The following COL18A1 variants were observed in gnomAD, a reference collection of about 807,000 sequenced individuals.
The protein encoded by COL18A1 is collagen alpha-1(XVIII) chain.
In COL18A1, 133 loss-of-function variants were observed where a neutral mutation model predicts 168.0. The ratio of observed to expected loss-of-function variants is 0.79; its 90% CI spans 0.69 to 0.91. The LOEUF is 0.91. Ranked by LOEUF, COL18A1 falls within the 40% of genes least tolerant of loss-of-function variation. The pLI, the probability that COL18A1 is intolerant of heterozygous loss-of-function variation, is 0.00. For synonymous variants in COL18A1, 949 were observed against 809.0 expected, an observed-to-expected ratio of 1.17 and a Z score of -2.94; for missense variants, 2,126 against 1,925.4, an observed-to-expected ratio of 1.10 and a Z score of -1.95.
At chr21:45,453,023 G>A (rs528426216) in intron 2 of COL18A1, among the ~76,000 whole-genome samples, 52 of 151,946 alleles carry the variant, frequency 3.4e-4, no homozygotes, top group Middle Eastern at 3.4e-3. Context: ...GTGTGATTGC[G>A]AGTATTCATG....
chr21:45,447,918 G>A (rs184470360), intron 2 of COL18A1, among the ~76,000 whole-genome samples: 528 of 152,212 alleles, frequency 3.5e-3, no homozygotes, highest in African/African-American at 0.012. Flanking sequence ...CAGCATTCAG[G>A]AGAAGACAGA....
At chr21:45,501,824 G>GC (rs532726806) in intron 32 of COL18A1, among the ~76,000 whole-genome samples, 3 of 54,242 alleles carry the variant, frequency 5.5e-5, no homozygotes, top group Non-Finnish European at 8.4e-5. Context: ...ACCCCCAGGG[G>GC]CTCCACAGCC....
chr21:45,429,904 G>A (rs1351055350), intron 2 of COL18A1, among the ~76,000 whole-genome samples: 1 of 151,226 alleles, frequency 6.6e-6, no homozygotes, highest in East Asian at 1.9e-4. Flanking sequence ...GCGGGGTCAT[G>A]GTTTTGGGGC....
At position 45,437,188 on chromosome 21, in the gene COL18A1, A is replaced by ACT. The variant is rs200158529; in HGVS notation, c.107-31053_107-31052insTC. 2.1e-3 allele frequency among the ~76,000 whole-genome samples: 196 copies of ACT among 94,526 alleles called. 13 individuals carry two copies. The highest frequency in any genetic ancestry group is 2.8e-3 in the African/African-American group (53 of 18,928). 62.0% of individuals were successfully genotyped at this position (94,526 alleles called of 152,430 possible). ...GGCACTCTCCTGCACACACACTCAC[A>ACT]CAGACACACAGGCACTCTCCTGCAC... On this transcript the variant is annotated intron_variant, in intron 2 of 41. Transcript: ENST00000651438.
chr21:45,423,248 G>C lies in COL18A1; in HGVS notation c.106+17775G>C, dbSNP rs1037345987. On this transcript the variant is annotated intron_variant, in intron 2 of 41. Coordinates refer to ENST00000651438, the MANE Select transcript of COL18A1 (RefSeq NM_001379500.1). This position sits in a 1 kb window ranked among gnomAD's most constrained non-coding sequence, Gnocchi z 4.0. ...TTCCATGGTGACATGGTTCTTGAGG[G>C]TTAGCTGGTCCAGTTCCCGCGTGTT... Among the ~76,000 whole-genome samples the C allele has an allele frequency of 6.6e-6, 1 of 152,140 alleles. No homozygotes were observed. Among genetic ancestry groups the C allele is most frequent in the East Asian group, 1.9e-4 (1 of 5,174 alleles).
intron 6 of COL18A1, 98 bp downstream of exon 6, chr21:45,476,578 T>G: frequency 2.2e-6 from 3 of 1,393,586 alleles, no homozygotes; most frequent in Non-Finnish European, 3.0e-6. Flanking sequence ...TGATGTATGG[T>G]GTGTGTAGTG....
At position 45,498,336 on chromosome 21, in the gene COL18A1, C is replaced by T. The variant is rs1199749926; in HGVS notation, c.2683+675C>T. The T allele has an allele frequency of 1.5e-6, 1 of 654,236 alleles. No individual in the cohort carries two copies. Among genetic ancestry groups the T allele is most frequent in the Non-Finnish European group, 2.8e-6 (1 of 352,886 alleles). The allele number at this position is 654,236 out of a possible 1,614,324, so 40.5% of individuals were successfully genotyped here. A position where few individuals can be genotyped will look rare whatever the true frequency, so the allele number is the denominator to read the frequency against. ...CACGGTCCCCTCTCGCCGCCAGGGT[C>T]CCCTCTCACCGCCAGGGTTCCCTCT... On this transcript the variant is annotated intron_variant, in intron 32 of 41. Coordinates refer to ENST00000651438, the MANE Select transcript of COL18A1 (RefSeq NM_001379500.1). The surrounding 1 kb of genome is among the most constrained non-coding windows in gnomAD (Gnocchi z 4.5).
intron 4 of COL18A1, 124 bp from the exon 5 acceptor site, chr21:45,475,352 G>T: frequency 1.1e-6 from 1 of 873,414 alleles, no homozygotes. Flanking sequence ...ACCAGAGAGG[G>T]CTGGACGAGG....
intron 2 of COL18A1, chr21:45,467,391 G>A: frequency 1.0e-6 from 1 of 985,312 alleles, no homozygotes; most frequent in South Asian, 4.7e-5. Context: ...GGAGCAGCGG[G>A]GCTGGTGGGG....
chr21:45,504,114 C>A, intron 33 of COL18A1, 60 bp downstream of exon 33: 1 of 1,573,108 alleles, frequency 6.4e-7, no homozygotes, highest in Non-Finnish European at 8.7e-7. Flanking sequence ...CGCTGGGTGG[C>A]TGCTCCCAAT....
At chr21:45,440,481 G>T (rs1413814377) in intron 2 of COL18A1, among the ~76,000 whole-genome samples, 1 of 152,200 alleles carries the variant, frequency 6.6e-6, no homozygotes, top group Admixed American at 6.5e-5. Flanking sequence ...AGCAGTCGGG[G>T]CCTGCTGGGG....
At chr21:45,461,688 C>G (rs1252660480) in intron 2 of COL18A1, among the ~76,000 whole-genome samples, 3 of 152,206 alleles carry the variant, frequency 2.0e-5, no homozygotes, top group Non-Finnish European at 4.4e-5. Context: ...TACTCTGCTC[C>G]TATGAATGTG....
rs751212276 is a variant in COL18A1 at position 45,476,483 on chromosome 21, A to G, written c.928+3A>G. 24 of 1,599,564 alleles carry G rather than the reference A, an allele frequency of 1.5e-5. No homozygotes were observed. Among genetic ancestry groups the G allele is most frequent in the Non-Finnish European group, 2.0e-5 (23 of 1,172,860 alleles). On this transcript the variant is annotated splice_donor_region_variant and intron_variant, in intron 6 of 41. Coordinates refer to ENST00000651438, the MANE Select transcript of COL18A1 (RefSeq NM_001379500.1). ...GACCACGGTGGCTTCGTTAGGAGGTAAGCTCTTTTCTGGATGTGGTGTGTG... is the reference window on the plus strand; with the variant it reads ...GACCACGGTGGCTTCGTTAGGAGGTGAGCTCTTTTCTGGATGTGGTGTGTG...
intron 2 of COL18A1, among the ~76,000 whole-genome samples, chr21:45,429,891 G>A (rs887323360): frequency 6.6e-6 from 1 of 151,292 alleles, no homozygotes; most frequent in Non-Finnish European, 1.5e-5. Flanking sequence ...CTGTGTCTGT[G>A]AAGCGGGGTC....
At chr21:45,512,010 G>A (rs1029462387) in intron 41 of COL18A1, among the ~76,000 whole-genome samples, 178 bp from the exon 42 acceptor site, 15 of 152,118 alleles carry the variant, frequency 9.9e-5, no homozygotes, top group Non-Finnish European at 2.2e-4. Flanking sequence ...GGGAGATGCA[G>A]CCCCCTCCAC....
chr21:45,435,162 C>G (rs1355411889), intron 2 of COL18A1, among the ~76,000 whole-genome samples: 1 of 148,808 alleles, frequency 6.7e-6, no homozygotes, highest in African/African-American at 2.5e-5. Flanking sequence ...TATAGGGATG[C>G]CGGGATGCCG....
Position 45,423,089 on chromosome 21 carries a change from T to C in COL18A1, c.106+17616T>C, listed in dbSNP as rs4819105. 0.43 allele frequency among the ~76,000 whole-genome samples: 65,730 copies of C among 151,964 alleles called. 17,455 individuals are homozygous for C. Among genetic ancestry groups the C allele is most frequent in the African/African-American group, 0.76 (31,324 of 41,426 alleles). On this transcript the variant is annotated intron_variant, in intron 2 of 41. Transcript: ENST00000651438. The surrounding 1 kb of genome is among the most constrained non-coding windows in gnomAD (Gnocchi z 4.0). ...TCTCCTTCCCAGAGTGTTGGGATTA[T>C]AGGTGTGAGCCACCGCACCCGGCCG...
chr21:45,489,636 T>C, intron 19 of COL18A1, 115 bp downstream of exon 19: 1 of 694,868 alleles, frequency 1.4e-6, no homozygotes, highest in Non-Finnish European at 2.4e-6. Context: ...GCCACTGCTT[T>C]GTTTCTTTAT....
At chr21:45,484,422 A>T (rs183054420) in intron 15 of COL18A1, among the ~76,000 whole-genome samples, 1 of 144,840 alleles carries the variant, frequency 6.9e-6, no homozygotes, top group East Asian at 2.1e-4. Context: ...CCTCTCCAGC[A>T]TATGTGAGCA....
Sources: gnomAD v4.1 joint callset for allele counts (sites outside exome capture counted in the v4.1 genomes callset) on GRCh38, gnomAD v4.1.1 for gene constraint, Gnocchi (gnomAD v3.1) non-coding constraint, MANE v1.5 for transcripts, NCBI Gene and HGNC (gene_info 2026-07-23, HGNC 2026-07-21) for gene names.